SORCS2: variants seen among roughly 807,000 people sequenced by gnomAD.
SORCS2 encodes VPS10 domain-containing receptor SorCS2.
In SORCS2, 100 loss-of-function variants were observed where a neutral mutation model predicts 141.6. The observed-to-expected ratio is 0.71, with a 90% CI of 0.60 to 0.83. SORCS2 has a LOEUF of 0.83. Ranked by LOEUF, SORCS2 falls within the 40% of genes least tolerant of loss-of-function variation. The pLI is 0.00. For synonymous variants in SORCS2, 789 were observed against 676.9 expected (o/e 1.17, Z -2.57); for missense variants, 1,646 against 1,560.2 (o/e 1.05, Z -0.93).
intron 13 of SORCS2, 113 bp downstream of exon 13, chr4:7,703,484 T>C (rs75526085): frequency 0.014 from 11,455 of 800,188 alleles, 360 homozygotes; most frequent in East Asian, 0.11. Context: ...GGACACATGA[T>C]CACAGAGCAA....
At chr4:7,505,856 C>T (rs1259288057) in intron 2 of SORCS2, among the ~76,000 whole-genome samples, 2 of 152,174 alleles carry the variant, frequency 1.3e-5, no homozygotes, top group Non-Finnish European at 2.9e-5. Flanking sequence ...CCTCATAGAG[C>T]TGGAGTGAAG....
chr4:7,281,218 T>C (rs903220917), intron 1 of SORCS2, among the ~76,000 whole-genome samples: 1 of 152,062 alleles, frequency 6.6e-6, no homozygotes, highest in African/African-American at 2.4e-5. Flanking sequence ...ATGGGGTCAC[T>C]CTTGCCACAG....
intron 1 of SORCS2, among the ~76,000 whole-genome samples, chr4:7,298,918 T>C (rs1253656433): frequency 6.6e-6 from 1 of 152,238 alleles, no homozygotes; most frequent in Admixed American, 6.5e-5. Flanking sequence ...GTGTTTGTCC[T>C]CTTCTGGGAC....
At chr4:7,487,412 C>T (rs1018123494) in intron 2 of SORCS2, among the ~76,000 whole-genome samples, 4 of 152,218 alleles carry the variant, frequency 2.6e-5, no homozygotes, top group Non-Finnish European at 5.9e-5. Flanking sequence ...GGGCCCAGAC[C>T]TCCACTTCCC....
chr4:7,396,632 C>T (rs1416876642), intron 2 of SORCS2, among the ~76,000 whole-genome samples: 3 of 152,220 alleles, frequency 2.0e-5, no homozygotes, highest in African/African-American at 2.4e-5. Flanking sequence ...CCTTTTTTTC[C>T]TCCCCGGAGG....
intron 3 of SORCS2, among the ~76,000 whole-genome samples, chr4:7,602,151 G>A (rs531902293): frequency 1.3e-5 from 2 of 152,338 alleles, no homozygotes; most frequent in South Asian, 2.1e-4. Flanking sequence ...AACCGCCATC[G>A]TCATCATGGC....
intron 26 of SORCS2, among the ~76,000 whole-genome samples, chr4:7,739,059 A>C (rs954858367): frequency 6.6e-6 from 1 of 152,082 alleles, no homozygotes; most frequent in Non-Finnish European, 1.5e-5. Flanking sequence ...CCTCCCAGAC[A>C]CCGTCTGACT....
chr4:7,724,897 G>GGCA lies in SORCS2; in HGVS notation c.2612-256_2612-255insCAG, dbSNP rs1560114996. The stretch of plus-strand genomic sequence containing the variant: ...TGGTGATGGTGGTGGTGTTGGTGAT[G>GGCA]GTGGTGATAGTATTGGTGGGAATGG... On this transcript the variant is annotated intron_variant, in intron 19 of 26. Transcript: ENST00000507866. Among the ~76,000 whole-genome samples the GGCA allele has an allele frequency of 2.3e-3, 263 of 112,424 alleles. 15 individuals are homozygous for GGCA. The highest frequency in any genetic ancestry group is 5.1e-3 in the East Asian group (18 of 3,546). The allele number at this position is 112,424 out of a possible 152,430, so 73.8% of individuals were successfully genotyped here.
intron 3 of SORCS2, among the ~76,000 whole-genome samples, chr4:7,553,017 C>G (rs1037949904): frequency 1.3e-5 from 2 of 152,076 alleles, no homozygotes; most frequent in African/African-American, 4.8e-5. Context: ...AAGTTTCAAC[C>G]ATAGAACTAG....
chr4:7,614,605 TCCACC>T lies in SORCS2; in HGVS notation c.649-23722_649-23718del, dbSNP rs1404327094. On this transcript the variant is annotated intron_variant, in intron 3 of 26. Coordinates refer to ENST00000507866, the MANE Select transcript of SORCS2 (RefSeq NM_020777.3). ...ATGAATCCATCCACCCATCCACCTA[TCCACC>T]TATCCACCATCCACCCATCAATCCA... Among the ~76,000 whole-genome samples the T allele has an allele frequency of 6.4e-3, 953 of 149,022 alleles. 15 individuals carry two copies. Among genetic ancestry groups the T allele is most frequent in the African/African-American group, 0.023 (917 of 40,188 alleles).
chr4:7,682,265 G>A (rs1178589661), intron 9 of SORCS2, among the ~76,000 whole-genome samples: 1 of 152,198 alleles, frequency 6.6e-6, no homozygotes, highest in Non-Finnish European at 1.5e-5. Context: ...TCCTTGGCAT[G>A]TTTGTATGGG....
chr4:7,641,291 A>G (rs1720712977), intron 4 of SORCS2, among the ~76,000 whole-genome samples: 1 of 152,188 alleles, frequency 6.6e-6, no homozygotes. Context: ...ACTTACAGTC[A>G]TGGTGGAAGG....
At chr4:7,711,721 C>A (rs917186276) in intron 14 of SORCS2, among the ~76,000 whole-genome samples, 1 of 152,226 alleles carries the variant, frequency 6.6e-6, no homozygotes, top group Admixed American at 6.5e-5. Context: ...ACAGCACAAA[C>A]AAGCTGTGTG....
intron 1 of SORCS2, among the ~76,000 whole-genome samples, chr4:7,330,073 AC>A (rs750272767): frequency 2.3e-4 from 35 of 151,220 alleles, no homozygotes; most frequent in Non-Finnish European, 2.7e-4. Flanking sequence ...CTTAGGGGCC[AC>A]CCGCATTCCA....
At chr4:7,289,985 A>C (rs1192849073) in intron 1 of SORCS2, among the ~76,000 whole-genome samples, 1 of 152,154 alleles carries the variant, frequency 6.6e-6, no homozygotes, top group Non-Finnish European at 1.5e-5. Context: ...CCATCCTCTG[A>C]GTTGGCCTTG....
At chr4:7,334,814 G>T (rs147522923) in intron 1 of SORCS2, among the ~76,000 whole-genome samples, 133 of 152,248 alleles carry the variant, frequency 8.7e-4, no homozygotes, top group African/African-American at 3.2e-3. Flanking sequence ...AAGAGGTGAC[G>T]TGTGAGCAGG....
chr4:7,597,234 T>G (rs1717330429), intron 3 of SORCS2, among the ~76,000 whole-genome samples: 2 of 130,758 alleles, frequency 1.5e-5, no homozygotes, highest in African/African-American at 3.0e-5. Context: ...GCTATTGCAA[T>G]AGGGAAGGAG....
intron 3 of SORCS2, among the ~76,000 whole-genome samples, chr4:7,578,195 C>T (rs1226027465): frequency 1.3e-5 from 2 of 152,194 alleles, no homozygotes; most frequent in East Asian, 1.9e-4. Flanking sequence ...TCTTTGCGAA[C>T]GATCATTTCT....
chr4:7,382,414 G>A (rs112285560), intron 1 of SORCS2, among the ~76,000 whole-genome samples: 3 of 152,072 alleles, frequency 2.0e-5, no homozygotes, highest in African/African-American at 7.2e-5. Flanking sequence ...CCCCTGTAAG[G>A]TGCAGAGAAC....
Sources: gnomAD v4.1 joint callset for allele counts (sites outside exome capture counted in the v4.1 genomes callset) on GRCh38, gnomAD v4.1.1 for gene constraint, MANE v1.5 for transcripts, NCBI Gene and HGNC (gene_info 2026-07-23, HGNC 2026-07-21) for gene names.